Variants in WDR90 observed in about 807,000 individuals in gnomAD.
WDR90 encodes WD repeat-containing protein 90.
A neutral mutation model predicts 195.2 loss-of-function variants in WDR90; 238 were observed. That is an observed-to-expected ratio of 1.22 (90% CI 1.10 to 1.36). The LOEUF (loss-of-function observed/expected upper bound fraction) is 1.36. Among genes scored for constraint, WDR90 ranks in the 40% most tolerant of loss-of-function variants. WDR90 has a pLI of 0.00. For missense variants in WDR90, 2,734 were observed against 2,439.5 expected (o/e 1.12, Z -2.54); for synonymous variants, 1,265 against 1,052.4 (o/e 1.20, Z -3.91).
At position 656,313 on chromosome 16, in the gene WDR90, CCCGTCAGCTCAGTCT is replaced by C; in HGVS notation, c.1979_1993del (p.Pro660_Cys665delinsArg). The C allele has an allele frequency of 6.2e-7, 1 of 1,607,732 alleles. No homozygotes were observed. Among genetic ancestry groups the C allele is most frequent in the Non-Finnish European group, 8.5e-7 (1 of 1,178,672 alleles). ...CACCCCACCCACAGAGCACGAGGGC[CCCGTCAGCTCAGTCT>C]GTGTCAGCCCCGATGGCCTCCGTGT... is the stretch of plus-strand genomic sequence containing the variant. On this transcript the variant is annotated inframe_deletion, in exon 18 of 41. Transcript: ENST00000293879.
Position 660,656 on chromosome 16 carries a change from G to A in WDR90, c.3333G>A (p.Lys1111=), listed in dbSNP as rs764570224. The change falls in exon 28 of 41, where the codon AAG becomes AAA. Residue 1111 remains lysine (K), a synonymous_variant. Transcript: ENST00000293879. ...CCAGCGGTGGGTGGCTGCGTCTGAA[G>A]GCTGTCGTCGGTTACAGCGGGAATG... ...PPASGGWLRL[K]AVVGYSGNGR... 5 of 1,582,166 alleles carry A rather than the reference G, an allele frequency of 3.2e-6. No homozygotes were observed. In the East Asian group the frequency reaches 9.4e-5, roughly 30 times the overall value.
chr16:659,459 C>T (rs1045738397), intron 26 of WDR90, 83 bp downstream of exon 26: 12 of 1,520,978 alleles, frequency 7.9e-6, no homozygotes, highest in South Asian at 3.6e-5. Flanking sequence ...TACTCACGCA[C>T]GTCCAGCTCT....
Position 649,849 on chromosome 16 carries a change from G to C in WDR90, c.97G>C (p.Val33Leu), listed in dbSNP as rs770618238. 1.3e-6 allele frequency: 2 copies of C among 1,580,442 alleles called. No individual in the cohort carries two copies. Among genetic ancestry groups the C allele is most frequent in the South Asian group, 1.1e-5 (1 of 87,898 alleles). ...CGCCAAGCAGGGGGACGTGGCCGTG[G>C]TCACGGTAGGCGGCCGGGGGCTCGC... ...RSAKQGDVAV[V>L]TDKTLKGAVY... The change falls in exon 2 of 41, where the codon GTC becomes CTC. Residue 33 changes from valine (V) to leucine (L), a missense_variant. Transcript: ENST00000293879.
Position 649,997 on chromosome 16 carries a change from AC to A in WDR90, c.112del (p.Leu38Ter). 1 of 1,612,608 alleles carries A rather than the reference AC, an allele frequency of 6.2e-7. No homozygotes were observed. Among genetic ancestry groups the A allele is most frequent in the Non-Finnish European group, 8.5e-7 (1 of 1,179,904 alleles). ...CGGGCTCCCGCTTCTCCAGGACAAG[AC>A]CCTGAAGGGCGCCGTGTATCGCATT... is the stretch of plus-strand genomic sequence containing the variant. ...QGDVAVVTDK[T>X]LKGAVYRIRG... On this transcript the variant is annotated frameshift_variant, in exon 3 of 41. Coordinates refer to ENST00000293879, the MANE Select transcript of WDR90 (RefSeq NM_145294.5). LOFTEE classifies it high-confidence loss of function.
intron 26 of WDR90, among the ~76,000 whole-genome samples, chr16:659,709 G>A (rs1004591934): frequency 6.6e-6 from 1 of 152,220 alleles, no homozygotes; most frequent in Non-Finnish European, 1.5e-5. Context: ...GCTCACGGAG[G>A]AGGAGGCTGG....
intron 29 of WDR90, 68 bp from the exon 30 acceptor site, chr16:661,274 C>G: frequency 1.3e-6 from 2 of 1,533,476 alleles, no homozygotes; most frequent in Non-Finnish European, 1.8e-6. Context: ...ACGGAGCAGA[C>G]GGCCACCCCA....
At chr16:663,939 G>T (rs530788785) in intron 34 of WDR90, among the ~76,000 whole-genome samples, 1 of 152,298 alleles carries the variant, frequency 6.6e-6, no homozygotes, top group African/African-American at 2.4e-5. Flanking sequence ...GGTCAGCTGG[G>T]CCCCACGGGA....
intron 26 of WDR90, among the ~76,000 whole-genome samples, chr16:659,612 A>ATCAGGT (rs1555462564): frequency 6.6e-6 from 1 of 152,132 alleles, no homozygotes; most frequent in Admixed American, 6.6e-5. Flanking sequence ...CCTTGGCCCC[A>ATCAGGT]GGCACCTTGT....
Position 661,219 on chromosome 16 carries a change from G to A in WDR90, c.3513+47G>A, listed in dbSNP as rs201557335. 4.4e-3 allele frequency: 6,615 copies of A among 1,516,672 alleles called. 15 individuals carry two copies. The highest frequency in any genetic ancestry group is 5.1e-3 in the Non-Finnish European group (5,774 of 1,135,802). 94.0% of individuals were successfully genotyped at this position (1,516,672 alleles called of 1,614,324 possible). A position where few individuals can be genotyped will look rare whatever the true frequency, so the allele number is the denominator to read the frequency against. On this transcript the variant is annotated intron_variant, in intron 29 of 40. Coordinates refer to ENST00000293879, the MANE Select transcript of WDR90 (RefSeq NM_145294.5). ...CTCCTCTCCCAGGGCCACCGTGCCC[G>A]GCAGAACCCAGCTCCCGGACCGGTG...
Position 661,447 on chromosome 16 carries a change from A to C in WDR90, c.3619A>C (p.Thr1207Pro), listed in dbSNP as rs758034947. The change falls in exon 30 of 41, where the codon ACC becomes CCC. Residue 1207 changes from threonine (T) to proline (P), a missense_variant. By Grantham distance (38) the Thr-to-Pro change is conservative. Coordinates refer to ENST00000293879, the MANE Select transcript of WDR90 (RefSeq NM_145294.5). Reference sequence around the variant, plus strand: ...CCAGCATCTCATTTTCCCCCATAGCACCACCGTGCTGGCCCTGGCCTTCTC... The same window carrying C: ...CCAGCATCTCATTTTCCCCCATAGCCCCACCGTGCTGGCCCTGGCCTTCTC... Reference protein sequence around the residue: ...LCQHLIFPHSTTVLALAFSPD... With the variant: ...LCQHLIFPHSPTVLALAFSPD... 1.2e-6 allele frequency: 2 copies of C among 1,612,128 alleles called. No homozygotes were observed. Among genetic ancestry groups the C allele is most frequent in the South Asian group, 1.1e-5 (1 of 91,012 alleles).
At position 661,601 on chromosome 16, in the gene WDR90, C is replaced by A. The variant is rs754757461; in HGVS notation, c.3678C>A (p.Asp1226Glu). The part of the protein sequence containing the change: ...PDDRLLVTLG[D>E]HDGRTLALWG... Reference sequence around the variant, plus strand: ...GCTGCTCTGTGTCCTTCCCAGGGGACCACGATGGCCGCACCCTCGCCCTGT... The same window carrying A: ...GCTGCTCTGTGTCCTTCCCAGGGGAACACGATGGCCGCACCCTCGCCCTGT... Residue 1226 changes from aspartate to glutamate, a missense_variant, in exon 31 of 41, where the codon GAC becomes GAA. Transcript: ENST00000293879. 1.9e-6 allele frequency: 3 copies of A among 1,587,968 alleles called. No homozygotes were observed. The highest frequency in any genetic ancestry group is 2.6e-6 in the Non-Finnish European group (3 of 1,165,180).
In WDR90 at chr16:660,059, C is replaced by T. The variant is rs370874241; in HGVS notation, c.3186C>T (p.Gly1062=). 16 of 1,541,372 alleles carry T rather than the reference C, an allele frequency of 1.0e-5. No homozygotes were observed. Among genetic ancestry groups the T allele is most frequent in the South Asian group, 3.6e-5 (3 of 83,932 alleles). The part of the protein sequence containing the change: ...VCARPPEGGD[G]ARDTRNSGAP... ...CAAGCTCTGCCTCCTCCCTGCCAGGCGCCAGGGACACCAGGAATTCGGGGG... is the reference window on the plus strand; with the variant it reads ...CAAGCTCTGCCTCCTCCCTGCCAGGTGCCAGGGACACCAGGAATTCGGGGG... The change falls in exon 27 of 41, where the codon GGC becomes GGT. Residue 1062 remains glycine, a splice_region_variant and synonymous_variant. Transcript: ENST00000293879.
At position 662,427 on chromosome 16, in the gene WDR90, C is replaced by T. The variant is rs529315670; in HGVS notation, c.4145+96C>T. ...GTGCCCCGCCCCCGCAAAGGCCGCC[C>T]TGCAGACCGGCCGCCTGCTAGCCCC... On this transcript the variant is annotated intron_variant, in intron 33 of 40. Coordinates refer to ENST00000293879, the MANE Select transcript of WDR90 (RefSeq NM_145294.5). The T allele has an allele frequency of 6.0e-4, 862 of 1,443,264 alleles. 10 individuals are homozygous for T. The South Asian group carries it at 0.01, about 17-fold the overall frequency. 89.4% of individuals were successfully genotyped at this position (1,443,264 alleles called of 1,614,324 possible). A position where few individuals can be genotyped will look rare whatever the true frequency, so the allele number is the denominator to read the frequency against.
chr16:657,006 C>G, intron 19 of WDR90, 85 bp from the exon 20 acceptor site: 1 of 1,563,936 alleles, frequency 6.4e-7, no homozygotes, highest in Non-Finnish European at 8.6e-7. Context: ...ACTTCCATGG[C>G]CAGGCTGGTT....
chr16:659,946 C>T lies in WDR90; in HGVS notation c.3185-112C>T. 3.7e-6 allele frequency: 3 copies of T among 813,886 alleles called. No homozygotes were observed. In the Admixed American group the frequency reaches 8.3e-5, roughly 23 times the overall value. The allele number at this position is 813,886 out of a possible 1,614,324, so 50.4% of individuals were successfully genotyped here. The stretch of plus-strand genomic sequence containing the variant: ...TGGCTCCGGCCTGTGCCCCGCCGTG[C>T]AGTTCTCACTGTGTGGTAGACCAGG... On this transcript the variant is annotated intron_variant, in intron 26 of 40. Transcript: ENST00000293879.
At chr16:649,919 C>A (rs2037606419) in intron 2 of WDR90, 65 bp downstream of exon 2, 1 of 1,600,122 alleles carries the variant, frequency 6.2e-7, no homozygotes, top group Non-Finnish European at 8.5e-7. Context: ...GCTGCCCCGC[C>A]CCCGAGGGCC....
Position 656,300 on chromosome 16 carries a change from A to C in WDR90, c.1967-2A>C, listed in dbSNP as rs746362741. Reference sequence around the variant, plus strand: ...AGGCCCCTGACCCCACCCCACCCACAGAGCACGAGGGCCCCGTCAGCTCAG... The same window carrying C: ...AGGCCCCTGACCCCACCCCACCCACCGAGCACGAGGGCCCCGTCAGCTCAG... On this transcript the variant is annotated splice_acceptor_variant, in intron 17 of 40. Transcript: ENST00000293879. LOFTEE classifies it high-confidence loss of function. The C allele has an allele frequency of 4.4e-6, 7 of 1,599,914 alleles. No homozygotes were observed. Among genetic ancestry groups the C allele is most frequent in the Non-Finnish European group, 5.1e-6 (6 of 1,173,274 alleles).
At position 649,452 on chromosome 16, in the gene WDR90, G is replaced by A. The variant is rs555583853; in HGVS notation, c.10+26G>A. Reference sequence around the variant, plus strand: ...GTAGCGCGCGGCTGGCGGGGGTCCCGAGGATCCCGGGTTCCGGGGTTCCGG... The same window carrying A: ...GTAGCGCGCGGCTGGCGGGGGTCCCAAGGATCCCGGGTTCCGGGGTTCCGG... On this transcript the variant is annotated intron_variant, in intron 1 of 40. Transcript: ENST00000293879. 1.8e-3 allele frequency: 2,360 copies of A among 1,297,066 alleles called. 4 individuals carry two copies. Among genetic ancestry groups the A allele is most frequent in the Non-Finnish European group, 2.2e-3 (2,264 of 1,025,480 alleles). 80.3% of individuals were successfully genotyped at this position (1,297,066 alleles called of 1,614,324 possible).
chr16:662,617 C>G, intron 33 of WDR90, 62 bp from the exon 34 acceptor site: 1 of 1,511,032 alleles, frequency 6.6e-7, no homozygotes, highest in South Asian at 1.3e-5. Context: ...GGGGACCCAG[C>G]TGGCTCTTGT....
Sources: gnomAD v4.1 joint callset for allele counts (sites outside exome capture counted in the v4.1 genomes callset) on GRCh38, gnomAD v4.1.1 for gene constraint, MANE v1.5 for transcripts, NCBI Gene and HGNC (gene_info 2026-07-23, HGNC 2026-07-21) for gene names.